The following CNN2 variants were observed in gnomAD, a reference collection of about 807,000 sequenced individuals.
The protein encoded by CNN2 is calponin-2.
CNN2 carries 21 observed loss-of-function variants against 31.0 expected under a neutral mutation model. The ratio of observed to expected loss-of-function variants is 0.68; its 90% CI spans 0.48 to 0.98. The LOEUF (loss-of-function observed/expected upper bound fraction) is 0.98. Ranked by LOEUF, CNN2 falls within the 50% of genes least tolerant of loss-of-function variation. The probability of loss-of-function intolerance (pLI) is 0.00; values close to 1 mark genes in which losing one functional copy is unlikely to be tolerated. For missense variants in CNN2, 399 were observed against 427.3 expected, an observed-to-expected ratio of 0.93 and a Z score of 0.58; for synonymous variants, 165 against 179.6, an observed-to-expected ratio of 0.92 and a Z score of 0.65.
intron 5 of CNN2, 52 bp from the exon 6 acceptor site, chr19:1,036,364 G>A: frequency 6.3e-7 from 1 of 1,597,948 alleles, no homozygotes; most frequent in South Asian, 1.1e-5. Flanking sequence ...TTCAGGGAGG[G>A]ACCGGAAGCT....
At chr19:1,029,775 CT>C (rs571113731) in intron 1 of CNN2, among the ~76,000 whole-genome samples, 73 of 151,836 alleles carry the variant, frequency 4.8e-4, no homozygotes, top group African/African-American at 1.7e-3. Flanking sequence ...TCTTGGCTCA[CT>C]GCCTCCTCTG....
chr19:1,032,708 A>T lies in CNN2; in HGVS notation c.390+12A>T. Reference sequence around the variant, plus strand: ...CCCTGGCGGGGAAGGTGAGGCCCAGAGAGGGGCAGCCACCTGCCCAGAGTC... The same window carrying T: ...CCCTGGCGGGGAAGGTGAGGCCCAGTGAGGGGCAGCCACCTGCCCAGAGTC... On this transcript the variant is annotated intron_variant, in intron 4 of 6. Coordinates refer to ENST00000263097, the MANE Select transcript of CNN2 (RefSeq NM_004368.4). The T allele has an allele frequency of 6.3e-7, 1 of 1,594,666 alleles. No individual in the cohort carries two copies.
intron 5 of CNN2, 84 bp downstream of exon 5, chr19:1,036,330 C>G: frequency 1.3e-6 from 2 of 1,576,668 alleles, no homozygotes. Flanking sequence ...GGGACAGCGG[C>G]ATGGAGCCCT....
intron 1 of CNN2, among the ~76,000 whole-genome samples, chr19:1,027,598 G>A (rs934801017): frequency 1.3e-5 from 2 of 152,218 alleles, no homozygotes; most frequent in African/African-American, 4.8e-5. Context: ...CACTTCTGCA[G>A]GGTCACACAG....
chr19:1,031,348 C>A (rs1206590033), intron 2 of CNN2, among the ~76,000 whole-genome samples, 156 bp downstream of exon 2: 11 of 57,932 alleles, frequency 1.9e-4, no homozygotes, highest in Admixed American at 3.5e-4. Flanking sequence ...TGGCGGGGGG[C>A]GGTGGATCTC....
intron 4 of CNN2, chr19:1,032,971 G>A: frequency 2.8e-6 from 1 of 357,128 alleles, no homozygotes; most frequent in Non-Finnish European, 5.4e-6. Context: ...TGGAGACTGG[G>A]TTTCACCATG....
intron 5 of CNN2, 62 bp from the exon 6 acceptor site, chr19:1,036,354 T>C: frequency 6.3e-7 from 1 of 1,591,318 alleles, no homozygotes; most frequent in Non-Finnish European, 8.6e-7. Flanking sequence ...GTCCCTCAAT[T>C]TCAGGGAGGG....
chr19:1,036,513 A>G lies in CNN2; in HGVS notation c.605A>G (p.Asp202Gly), dbSNP rs2039589431. 6.2e-7 allele frequency: 1 copy of G among 1,613,594 alleles called. No homozygotes were observed. Residue 202 changes from aspartate (D) to glycine (G), a missense_variant, in exon 6 of 7, where the codon GAC becomes GGC. Transcript: ENST00000263097. Reference sequence around the variant, plus strand: ...AAGAACCATATCCTGCCCCCCATGGACCACTCGACCATCAGCCTCCAGATG... The same window carrying G: ...AAGAACCATATCCTGCCCCCCATGGGCCACTCGACCATCAGCCTCCAGATG... ...DPKNHILPPM[D>G]HSTISLQMGT...
chr19:1,030,352 C>T lies in CNN2; in HGVS notation c.64-719C>T, dbSNP rs542020308. Among the ~76,000 whole-genome samples, 359 of 152,230 alleles carry T rather than the reference C, an allele frequency of 2.4e-3. 2 individuals carry two copies. Among genetic ancestry groups the T allele is most frequent in the South Asian group, 8.3e-3 (40 of 4,824 alleles). On this transcript the variant is annotated intron_variant, in intron 1 of 6. Coordinates refer to ENST00000263097, the MANE Select transcript of CNN2 (RefSeq NM_004368.4). ...GCTAAGAAGCAGGATGGGGGCCGGG[C>T]GCGGTGGCTCACACCTGTAATCCCA... is the stretch of plus-strand genomic sequence containing the variant.
Position 1,032,416 on chromosome 19 carries a change from C to A in CNN2, c.210C>A (p.Gly70=), listed in dbSNP as rs145483273. 4.0e-5 allele frequency: 64 copies of A among 1,613,580 alleles called. No homozygotes were observed. The highest frequency in any genetic ancestry group is 5.3e-5 in the Non-Finnish European group (63 of 1,180,010). The part of the protein sequence containing the change: ...LCTLMNKLQP[G]SVPKINRSMQ... The stretch of plus-strand genomic sequence containing the variant: ...GACTCATGAACAAGCTACAGCCGGG[C>A]TCCGTCCCCAAGATCAACCGCTCCA... The change falls in exon 3 of 7, where the codon GGC becomes GGA. Residue 70 remains glycine, a synonymous_variant. Transcript: ENST00000263097.
intron 1 of CNN2, among the ~76,000 whole-genome samples, chr19:1,030,135 C>T (rs1335131235): frequency 1.3e-5 from 2 of 152,196 alleles, no homozygotes; most frequent in East Asian, 3.8e-4. Context: ...TGGATAGGGA[C>T]ACTCGAGGTC....
chr19:1,030,043 G>A (rs958072962), intron 1 of CNN2, among the ~76,000 whole-genome samples: 4 of 151,992 alleles, frequency 2.6e-5, no homozygotes, highest in African/African-American at 4.8e-5. Context: ...TCCCGCTCCC[G>A]CTACACGACC....
rs765548877 is a variant in CNN2 at position 1,032,668 on chromosome 19, A to C, written c.362A>C (p.Gln121Pro). 2.5e-6 allele frequency: 4 copies of C among 1,612,084 alleles called. No homozygotes were observed. The Middle Eastern group carries it at 7.7e-4, about 309-fold the overall frequency. ...GAGAGTGGGAACATGACGCAGGTGC[A>C]GGTGTCTCTTCTCGCCCTGGCGGGG... Reference protein sequence around the residue: ...LFESGNMTQVQVSLLALAGKA... With the variant: ...LFESGNMTQVPVSLLALAGKA... The change falls in exon 4 of 7, where the codon CAG becomes CCG. Residue 121 changes from glutamine (Q) to proline (P), a missense_variant. Physicochemically the swap from Gln to Pro is moderately conservative, Grantham distance 76. Transcript: ENST00000263097.
At chr19:1,036,915 A>C (rs761885947) in intron 6 of CNN2, 8 of 348,632 alleles carry the variant, frequency 2.3e-5, no homozygotes, top group South Asian at 1.4e-4. Flanking sequence ...GTGCAGTGGC[A>C]CGATCTCGGC....
chr19:1,032,376 A>G lies in CNN2; in HGVS notation c.186-16A>G, dbSNP rs370565929. 6.2e-6 allele frequency: 10 copies of G among 1,612,992 alleles called. No individual in the cohort carries two copies. In the East Asian group the frequency reaches 6.7e-5, roughly 11 times the overall value. ...CAGAGGTTTCTGTTTCCCCCGCCCC[A>G]TGTTGTGCCCTCCAGACTCATGAAC... On this transcript the variant is annotated splice_polypyrimidine_tract_variant and intron_variant, in intron 2 of 6. Coordinates refer to ENST00000263097, the MANE Select transcript of CNN2 (RefSeq NM_004368.4).
At chr19:1,036,286 G>A (rs1310336475) in intron 5 of CNN2, 40 bp downstream of exon 5, 2 of 1,565,996 alleles carry the variant, frequency 1.3e-6, no homozygotes, top group African/African-American at 1.4e-5. Flanking sequence ...CCACGGCATT[G>A]GGGGACCACG....
At chr19:1,035,705 T>C (rs1290350667) in intron 4 of CNN2, among the ~76,000 whole-genome samples, 1 of 152,108 alleles carries the variant, frequency 6.6e-6, no homozygotes, top group African/African-American at 2.4e-5. Context: ...GGTGGATAAC[T>C]TGAGGCCAGG....
At chr19:1,027,755 G>A (rs974642272) in intron 1 of CNN2, among the ~76,000 whole-genome samples, 3 of 152,092 alleles carry the variant, frequency 2.0e-5, no homozygotes, top group African/African-American at 7.2e-5. Flanking sequence ...ACGCCCACTG[G>A]GCACCTGGGA....
chr19:1,036,869 T>A (rs763016034), intron 6 of CNN2: 2 of 425,820 alleles, frequency 4.7e-6, no homozygotes, highest in Non-Finnish European at 8.8e-6. Flanking sequence ...ATGTATTTAT[T>A]TTGAGATAGG....
Sources: allele counts gnomAD v4.1 joint callset (sites outside exome capture counted in the v4.1 genomes callset), GRCh38; gene constraint gnomAD v4.1.1; transcripts MANE v1.5; gene names NCBI Gene and HGNC (gene_info 2026-07-23, HGNC 2026-07-21).